Variants in GYS1 observed in about 807,000 individuals in gnomAD.
The protein encoded by GYS1 is glycogen [starch] synthase, muscle.
GYS1 carries 60 observed loss-of-function variants against 89.1 expected under a neutral mutation model. The observed-to-expected ratio is 0.67, with a 90% CI of 0.55 to 0.84. The LOEUF (loss-of-function observed/expected upper bound fraction) is 0.84, where lower values mean the gene tolerates loss of function less well. Among genes scored for constraint, GYS1 ranks in the 40% least tolerant of loss-of-function variants. GYS1 has a pLI of 0.00. For synonymous variants in GYS1, 366 were observed against 401.7 expected, an observed-to-expected ratio of 0.91 and a Z score of 1.06; for missense variants, 888 against 1,003.1, an observed-to-expected ratio of 0.89 and a Z score of 1.55.
At chr19:48,984,720 T>A (rs2038815211) in intron 5 of GYS1, among the ~76,000 whole-genome samples, 1 of 151,768 alleles carries the variant, frequency 6.6e-6, no homozygotes, top group African/African-American at 2.4e-5. Flanking sequence ...ATAAAATAGG[T>A]TTGTATTAAA....
At chr19:48,969,964 A>AC (rs1451692332) in intron 14 of GYS1, 109 bp from the exon 15 acceptor site, 4 of 727,462 alleles carry the variant, frequency 5.5e-6, no homozygotes, top group African/African-American at 3.5e-5. Context: ...ACACTGCTGC[A>AC]CCCCATACAA....
In GYS1 at chr19:48,968,201, C is replaced by A; in HGVS notation, c.*1087G>T. ...CCAATCACACCCCTCCTGCCCTCCC[C>A]TCTCAACTGCAAACCAAGCGGTGCA... is the stretch of plus-strand genomic sequence containing the variant. On this transcript the variant is annotated 3_prime_UTR_variant, in exon 16 of 16. Coordinates refer to ENST00000323798, the MANE Select transcript of GYS1 (RefSeq NM_002103.5). 2.2e-6 allele frequency: 1 copy of A among 454,186 alleles called. No individual in the cohort carries two copies. The highest frequency in any genetic ancestry group is 1.6e-5 in the South Asian group (1 of 64,480). The allele number at this position is 454,186 out of a possible 1,614,324, so 28.1% of individuals were successfully genotyped here.
At chr19:48,984,770 A>G (rs563561586) in intron 5 of GYS1, among the ~76,000 whole-genome samples, 1 of 151,830 alleles carries the variant, frequency 6.6e-6, no homozygotes, top group Non-Finnish European at 1.5e-5. Context: ...AGTCCCAGCT[A>G]CTTGGGAGGC....
intron 10 of GYS1, among the ~76,000 whole-genome samples, chr19:48,975,524 TAAAG>T (rs1340109708): frequency 1.3e-5 from 2 of 152,140 alleles, no homozygotes; most frequent in East Asian, 1.9e-4. Flanking sequence ...GCTCTATTAT[TAAAG>T]AAACCCAAAG....
At chr19:48,976,399 C>T (rs997710040) in intron 10 of GYS1, among the ~76,000 whole-genome samples, 5 of 152,022 alleles carry the variant, frequency 3.3e-5, no homozygotes, top group Non-Finnish European at 7.4e-5. Flanking sequence ...CCAGCAGGGG[C>T]TGCTGGGAGT....
Position 48,969,422 on chromosome 19 carries a change from G to A in GYS1, c.2080C>T (p.Pro694Ser). The A allele has an allele frequency of 1.3e-6, 2 of 1,547,102 alleles. No individual in the cohort carries two copies. Among genetic ancestry groups the A allele is most frequent in the Non-Finnish European group, 1.7e-6 (2 of 1,148,888 alleles). The change falls in exon 16 of 16, where the codon CCG becomes TCG. Residue 694 changes from proline to serine, a missense_variant. Physicochemically the swap from Pro to Ser is moderately conservative, Grantham distance 74 (BLOSUM62 -1). Coordinates refer to ENST00000323798, the MANE Select transcript of GYS1 (RefSeq NM_002103.5). ...DRRNIRAPEWPRRASCTSSTS... is the reference protein window; with the variant it reads ...DRRNIRAPEWSRRASCTSSTS... ...GAGGAGGTGCAGGACGCTCGGCGCGGCCACTCTGGTGCACGGATGTTGCGC... is the reference window on the plus strand; with the variant it reads ...GAGGAGGTGCAGGACGCTCGGCGCGACCACTCTGGTGCACGGATGTTGCGC...
chr19:48,982,210 A>G, intron 7 of GYS1, 45 bp downstream of exon 7: 1 of 1,606,140 alleles, frequency 6.2e-7, no homozygotes, highest in East Asian at 2.2e-5. Flanking sequence ...CTAGTTATAA[A>G]CTGCTTTGCT....
In GYS1 at chr19:48,969,270, G is replaced by C; in HGVS notation, c.*18C>G. 1.3e-6 allele frequency: 2 copies of C among 1,533,214 alleles called. No individual in the cohort carries two copies. Among genetic ancestry groups the C allele is most frequent in the Non-Finnish European group, 1.7e-6 (2 of 1,144,798 alleles). 95.0% of individuals were successfully genotyped at this position (1,533,214 alleles called of 1,614,324 possible). A position where few individuals can be genotyped will look rare whatever the true frequency, so the allele number is the denominator to read the frequency against. On this transcript the variant is annotated 3_prime_UTR_variant, in exon 16 of 16. Coordinates refer to ENST00000323798, the MANE Select transcript of GYS1 (RefSeq NM_002103.5). ...GGAGCAGAGAGGCAGGACAGGCGGG[G>C]AGTGTGGTGGGGCGGACTTAGTTAC...
chr19:48,986,037 TG>T lies in GYS1; in HGVS notation c.493-3del, dbSNP rs779076952. The stretch of plus-strand genomic sequence containing the variant: ...CTTCTCCTCACTCTGTGCCAGGAAC[TG>T]TGGGCAACAGGGACAGGGCCACTGT... On this transcript the variant is annotated splice_polypyrimidine_tract_variant and splice_region_variant and intron_variant, in intron 3 of 15. Transcript: ENST00000323798. The T allele has an allele frequency of 4.1e-5, 66 of 1,613,826 alleles. No homozygotes were observed.
At chr19:48,979,734 C>T (rs2038727082) in intron 8 of GYS1, among the ~76,000 whole-genome samples, 1 of 150,120 alleles carries the variant, frequency 6.7e-6, no homozygotes, top group Admixed American at 6.7e-5. Flanking sequence ...GCAATCTCTG[C>T]CTCCCGGGTT....
chr19:48,990,983 C>G (rs565170575), intron 2 of GYS1, among the ~76,000 whole-genome samples: 19 of 152,220 alleles, frequency 1.2e-4, no homozygotes, highest in Non-Finnish European at 7.3e-5. Context: ...TTGGTAGAGA[C>G]GGGGTTTCGC....
intron 2 of GYS1, among the ~76,000 whole-genome samples, chr19:48,987,616 T>C (rs938858471): frequency 3.3e-5 from 5 of 152,118 alleles, no homozygotes; most frequent in Non-Finnish European, 4.4e-5. Flanking sequence ...TTGCAATATT[T>C]TCCGTGCCCC....
chr19:48,976,802 T>C (rs1334066252), intron 10 of GYS1, among the ~76,000 whole-genome samples: 1 of 152,114 alleles, frequency 6.6e-6, no homozygotes, highest in East Asian at 1.9e-4. Flanking sequence ...CCTCGCTCTG[T>C]TGCCCAGTCT....
In GYS1 at chr19:48,969,619, C is replaced by T. The variant is rs1440380022; in HGVS notation, c.1891-8G>A. On this transcript the variant is annotated splice_region_variant and splice_polypyrimidine_tract_variant and intron_variant, in intron 15 of 15. Coordinates refer to ENST00000323798, the MANE Select transcript of GYS1 (RefSeq NM_002103.5). ...GTAGCGGTACCCCTGGGCCTGCATACGGCGATGTGGGTGCAAACCAGGGTG... is the reference window on the plus strand; with the variant it reads ...GTAGCGGTACCCCTGGGCCTGCATATGGCGATGTGGGTGCAAACCAGGGTG... The T allele has an allele frequency of 1.3e-6, 2 of 1,544,548 alleles. No individual in the cohort carries two copies. The highest frequency in any genetic ancestry group is 1.9e-5 in the Admixed American group (1 of 51,702).
In GYS1 at chr19:48,977,949, A is replaced by T; in HGVS notation, c.1283T>A (p.Met428Lys). 6.2e-7 allele frequency: 1 copy of T among 1,613,936 alleles called. No homozygotes were observed. The highest frequency in any genetic ancestry group is 8.5e-7 in the Non-Finnish European group (1 of 1,179,884). ...KMLDKEDFTM[M>K]KRAIFATQRQ... ...CTGCGTTGCAAAGATGGCTCTCTTC[A>T]TCATAGTGAAGTCTTCCTTATCCAG... The change falls in exon 10 of 16, where the codon ATG becomes AAG. Residue 428 changes from methionine (M) to lysine (K), a missense_variant. Coordinates refer to ENST00000323798, the MANE Select transcript of GYS1 (RefSeq NM_002103.5).
Position 48,985,614 on chromosome 19 carries a change from G to A in GYS1, c.679-9C>T. On this transcript the variant is annotated splice_polypyrimidine_tract_variant and intron_variant, in intron 4 of 15. Transcript: ENST00000323798. ...TCCTTGTCCACGTTGAACTGGGTGG[G>A]AGGGGACAGCAGTCCGGTTAGAAGG... 6.2e-7 allele frequency: 1 copy of A among 1,613,992 alleles called. No individual in the cohort carries two copies.
Position 48,985,866 on chromosome 19 carries a change from T to C in GYS1, c.662A>G (p.Tyr221Cys), listed in dbSNP as rs369013328. The part of the protein sequence containing the change: ...RYLCAGAVDF[Y>C]NNLENFNVDK... Reference sequence around the variant, plus strand: ...CCAGCTCACGTTCTCCAGGTTGTTGTAGAAGTCCACGGCACCGGCACACAG... The same window carrying C: ...CCAGCTCACGTTCTCCAGGTTGTTGCAGAAGTCCACGGCACCGGCACACAG... Residue 221 changes from tyrosine to cysteine, a missense_variant, in exon 4 of 16, where the codon TAC becomes TGC. Coordinates refer to ENST00000323798, the MANE Select transcript of GYS1 (RefSeq NM_002103.5). 1.9e-6 allele frequency: 3 copies of C among 1,613,426 alleles called. No individual in the cohort carries two copies. The highest frequency in any genetic ancestry group is 1.3e-5 in the African/African-American group (1 of 74,900).
At chr19:48,981,163 C>T (rs2122504072) in intron 8 of GYS1, among the ~76,000 whole-genome samples, 1 of 150,714 alleles carries the variant, frequency 6.6e-6, no homozygotes, top group South Asian at 2.1e-4. Context: ...GCCTGTAATT[C>T]CAGCACTTTG....
intron 10 of GYS1, among the ~76,000 whole-genome samples, chr19:48,976,317 G>A (rs2038649824): frequency 6.6e-6 from 1 of 152,060 alleles, no homozygotes; most frequent in Non-Finnish European, 1.5e-5. Flanking sequence ...TGAAGTCCCT[G>A]GACCCCAGAG....
Sources: gnomAD v4.1 joint callset for allele counts (sites outside exome capture counted in the v4.1 genomes callset) on GRCh38, gnomAD v4.1.1 for gene constraint, MANE v1.5 for transcripts, NCBI Gene and HGNC (gene_info 2026-07-23, HGNC 2026-07-21) for gene names.